ASB4: variants seen among roughly 807,000 people sequenced by gnomAD.
ASB4 encodes ankyrin repeat and SOCS box containing 4.
A neutral mutation model predicts 38.6 loss-of-function variants in ASB4; 35 were observed. The ratio of observed to expected loss-of-function variants is 0.91; its 90% CI spans 0.69 to 1.20. ASB4 has a LOEUF of 1.20. ASB4 is among the 50% of genes most tolerant of loss of function. The pLI is 0.00. For synonymous variants in ASB4, 195 were observed against 201.3 expected, an observed-to-expected ratio of 0.97 and a Z score of 0.26; for missense variants, 557 against 527.2, an observed-to-expected ratio of 1.06 and a Z score of -0.55.
At chr7:95,500,235 TTACTAGAGAAA>T (rs1481961024) in intron 2 of ASB4, among the ~76,000 whole-genome samples, 1 of 151,862 alleles carries the variant, frequency 6.6e-6, no homozygotes, top group Admixed American at 6.6e-5. Context: ...GAGAAGAAAC[TTACTAGAGAAA>T]TGTAGTAGGA....
chr7:95,481,402 A>G (rs1790020524), upstream of ASB4, among the ~76,000 whole-genome samples: 1 of 152,230 alleles, frequency 6.6e-6, no homozygotes, highest in Non-Finnish European at 1.5e-5. Context: ...GTAAGATGCT[A>G]CATATTACAG....
In ASB4 at chr7:95,496,055, G is replaced by A; in HGVS notation, c.485G>A (p.Arg162Lys). The change falls in exon 2 of 5, where the codon AGA (arginine) becomes AAA (lysine). Residue 162 changes from arginine to lysine, a missense_variant and splice_region_variant. Physicochemically the swap from Arg to Lys is conservative, Grantham distance 26. Transcript: ENST00000325885. The part of the protein sequence containing the change: ...SILCAKQLVW[R>K]GANVNMKTNN... ...CTCTGTGCCAAGCAATTGGTTTGGA[G>A]AGGTAAGCCTTTCTGGGTGGCCAAC... 1.2e-6 allele frequency: 2 copies of A among 1,609,022 alleles called. No homozygotes were observed. The highest frequency in any genetic ancestry group is 1.1e-5 in the South Asian group (1 of 90,956).
At chr7:95,549,081 A>T in the ASB4 span, among the ~76,000 whole-genome samples, 1 of 152,030 alleles carries the variant, frequency 6.6e-6, no homozygotes, top group Non-Finnish European at 1.5e-5. Context: ...TTAATTTTGG[A>T]CATGTTGATT....
chr7:95,523,550 T>C (rs894673365), intron 2 of ASB4, among the ~76,000 whole-genome samples: 1 of 152,208 alleles, frequency 6.6e-6, no homozygotes, highest in African/African-American at 2.4e-5. Context: ...GTGTGTAATA[T>C]ACTGCTTAGT....
At chr7:95,479,868 C>T (rs986196207) in intron 1 of ASB4, among the ~76,000 whole-genome samples, 7 of 152,176 alleles carry the variant, frequency 4.6e-5, no homozygotes, top group African/African-American at 1.7e-4. Flanking sequence ...AAAAGAGGTG[C>T]AGGCATCTGA....
chr7:95,511,099 A>C (rs1295968793), intron 2 of ASB4, among the ~76,000 whole-genome samples: 1 of 152,194 alleles, frequency 6.6e-6, no homozygotes, highest in African/African-American at 2.4e-5. Context: ...AAAACATACA[A>C]ATAGGGGAAA....
chr7:95,480,134 C>A (rs181866084), intron 1 of ASB4, among the ~76,000 whole-genome samples: 197 of 152,272 alleles, frequency 1.3e-3, no homozygotes, highest in Non-Finnish European at 2.3e-3. Flanking sequence ...CAGGAGCACA[C>A]CTTGTTCTGA....
chr7:95,517,303 G>C (rs983851152), intron 2 of ASB4, among the ~76,000 whole-genome samples: 1 of 152,034 alleles, frequency 6.6e-6, no homozygotes, highest in African/African-American at 2.4e-5. Flanking sequence ...CCAAATGCTG[G>C]GACTACAGAC....
chr7:95,470,712 G>C, the ASB4 span, among the ~76,000 whole-genome samples: 2 of 152,138 alleles, frequency 1.3e-5, no homozygotes, highest in Admixed American at 1.3e-4. Flanking sequence ...TGTGGCGACT[G>C]AATCTAAGAA....
chr7:95,540,549 C>T (rs1251923498), downstream of ASB4, among the ~76,000 whole-genome samples: 1 of 152,192 alleles, frequency 6.6e-6, no homozygotes, highest in Admixed American at 6.5e-5. Flanking sequence ...TTCCTTCATT[C>T]TCACTGTCCA....
chr7:95,547,575 G>A, the ASB4 span, among the ~76,000 whole-genome samples: 1 of 152,198 alleles, frequency 6.6e-6, no homozygotes, highest in Non-Finnish European at 1.5e-5. Flanking sequence ...TTCCAGCTTA[G>A]GGTAATAATA....
chr7:95,547,010 T>C, the ASB4 span, among the ~76,000 whole-genome samples: 3 of 152,192 alleles, frequency 2.0e-5, no homozygotes, highest in Admixed American at 2.0e-4. Context: ...TTTTAAAAGC[T>C]TTAATAGGCG....
At chr7:95,549,051 T>A in the ASB4 span, among the ~76,000 whole-genome samples, 9 of 152,152 alleles carry the variant, frequency 5.9e-5, no homozygotes, top group Non-Finnish European at 1.3e-4. Context: ...CATTATGCTA[T>A]CCTGTTTCTT....
chr7:95,501,616 G>T (rs963211271), intron 2 of ASB4, among the ~76,000 whole-genome samples: 1 of 152,070 alleles, frequency 6.6e-6, no homozygotes, highest in African/African-American at 2.4e-5. Flanking sequence ...TTCATCATCC[G>T]GTGTAACTGA....
intron 2 of ASB4, among the ~76,000 whole-genome samples, chr7:95,521,654 T>C (rs1790663383): frequency 6.7e-6 from 1 of 150,116 alleles, no homozygotes; most frequent in Non-Finnish European, 1.5e-5. Context: ...AACTGTGGTT[T>C]ATACAAGGTA....
At position 95,515,250 on chromosome 7, in the gene ASB4, TCC is replaced by T. The variant is rs1376587065; in HGVS notation, c.488-12562_488-12561del. Among the ~76,000 whole-genome samples, 102 of 135,190 alleles carry T rather than the reference TCC, an allele frequency of 7.5e-4. 2 individuals carry two copies. In the South Asian group the frequency reaches 0.019, roughly 26 times the overall value. The allele number at this position is 135,190 out of a possible 152,430, so 88.7% of individuals were successfully genotyped here. A position where few individuals can be genotyped will look rare whatever the true frequency, so the allele number is the denominator to read the frequency against. On this transcript the variant is annotated intron_variant, in intron 2 of 4. Coordinates refer to ENST00000325885, the MANE Select transcript of ASB4 (RefSeq NM_016116.3). ...CTTTCTTTTTCTTTCTTTCTTTCTT[TCC>T]TTCTTTCTTTCTTTCTCTTTCTTTC...
At chr7:95,476,872 A>G (rs1309069094), upstream of ASB4, among the ~76,000 whole-genome samples, 1 of 152,214 alleles carries the variant, frequency 6.6e-6, no homozygotes, top group Non-Finnish European at 1.5e-5. Flanking sequence ...AGCAAAAACA[A>G]ACAATAAAGG....
chr7:95,506,303 G>T (rs758012899), intron 2 of ASB4, among the ~76,000 whole-genome samples: 9 of 152,282 alleles, frequency 5.9e-5, no homozygotes, highest in Non-Finnish European at 1.3e-4. Context: ...CTGCTCCAAT[G>T]AGTTTCAGGT....
chr7:95,542,576 G>C (rs1034568583), downstream of ASB4: 1 of 152,212 alleles, frequency 6.6e-6, no homozygotes, highest in Non-Finnish European at 1.5e-5. Context: ...GACTACAGGT[G>C]CCTGCCACCA....
Sources: allele counts gnomAD v4.1 joint callset (sites outside exome capture counted in the v4.1 genomes callset), GRCh38; gene constraint gnomAD v4.1.1; transcripts MANE v1.5; gene names NCBI Gene and HGNC (gene_info 2026-07-23, HGNC 2026-07-21).